NKAIN2: variants seen among roughly 807,000 people sequenced by gnomAD.
The protein encoded by NKAIN2 is sodium/potassium transporting ATPase interacting 2.
NKAIN2 carries 14 observed loss-of-function variants against 32.6 expected under a neutral mutation model. The observed-to-expected ratio is 0.43, with a 90% CI of 0.28 to 0.67. The LOEUF (loss-of-function observed/expected upper bound fraction) is 0.67, where lower values mean the gene tolerates loss of function less well. NKAIN2 is among the 30% of genes least tolerant of loss of function. NKAIN2 has a pLI of 0.17. For missense variants in NKAIN2, 198 were observed against 258.3 expected, an observed-to-expected ratio of 0.77 and a Z score of 1.60; for synonymous variants, 80 against 87.2, an observed-to-expected ratio of 0.92 and a Z score of 0.46.
intron 1 of NKAIN2, among the ~76,000 whole-genome samples, chr6:123,931,364 C>G (rs773099601): frequency 1.3e-5 from 2 of 152,078 alleles, no homozygotes; most frequent in Non-Finnish European, 2.9e-5. Flanking sequence ...ATTTCTTACT[C>G]TCCACTGAAA....
chr6:123,874,367 A>C (rs138228417), intron 1 of NKAIN2, among the ~76,000 whole-genome samples: 97 of 152,294 alleles, frequency 6.4e-4, no homozygotes, highest in African/African-American at 1.8e-3. Flanking sequence ...TTTTCTGGTT[A>C]ATCTAAGTAA....
intron 1 of NKAIN2, among the ~76,000 whole-genome samples, chr6:124,026,812 G>C (rs1368999907): frequency 6.6e-6 from 1 of 152,094 alleles, no homozygotes; most frequent in Admixed American, 6.6e-5. Context: ...ATCACTCCTT[G>C]TTCTCTCCTT....
At chr6:124,751,295 G>A (rs757603955) in intron 4 of NKAIN2, among the ~76,000 whole-genome samples, 12 of 151,894 alleles carry the variant, frequency 7.9e-5, no homozygotes, top group Non-Finnish European at 1.5e-4. Context: ...ACTGGCAAGA[G>A]GCCTTTAAAA....
chr6:124,626,264 G>A (rs1423068219), intron 3 of NKAIN2, among the ~76,000 whole-genome samples: 1 of 151,982 alleles, frequency 6.6e-6, no homozygotes. Context: ...AATCAAAGGT[G>A]AGGGGCCAGA....
intron 1 of NKAIN2, among the ~76,000 whole-genome samples, chr6:123,948,709 G>T (rs901315158): frequency 7.1e-6 from 1 of 141,232 alleles, no homozygotes; most frequent in Admixed American, 7.5e-5. Flanking sequence ...CCATTGAGCA[G>T]ATTTTCTCTT....
chr6:124,217,295 A>C (rs1377222269), intron 1 of NKAIN2, among the ~76,000 whole-genome samples: 1 of 152,142 alleles, frequency 6.6e-6, no homozygotes, highest in Non-Finnish European at 1.5e-5. Flanking sequence ...GTTATAAATC[A>C]GGATTAAATG....
intron 1 of NKAIN2, among the ~76,000 whole-genome samples, chr6:124,000,041 A>G (rs1779806526): frequency 6.6e-6 from 1 of 152,208 alleles, no homozygotes; most frequent in East Asian, 1.9e-4. Context: ...ATTCTTGTAG[A>G]TTGCTGTACT....
At chr6:124,490,606 G>C (rs982503602) in intron 3 of NKAIN2, among the ~76,000 whole-genome samples, 1 of 151,476 alleles carries the variant, frequency 6.6e-6, no homozygotes, top group Non-Finnish European at 1.5e-5. Context: ...ATTAATTTCA[G>C]TCATGTGAGC....
intron 4 of NKAIN2, among the ~76,000 whole-genome samples, chr6:124,692,090 T>C (rs1373462043): frequency 1.3e-5 from 2 of 152,230 alleles, no homozygotes; most frequent in Non-Finnish European, 2.9e-5. Context: ...ACTTCTATTA[T>C]AAAATGTATT....
At chr6:123,926,549 G>C (rs1776014034) in intron 1 of NKAIN2, among the ~76,000 whole-genome samples, 2 of 152,108 alleles carry the variant, frequency 1.3e-5, no homozygotes, top group Admixed American at 1.3e-4. Context: ...GCCCGCTGCA[G>C]TGTTTTCCAG....
At chr6:124,163,449 GC>G (rs1788377179) in intron 1 of NKAIN2, among the ~76,000 whole-genome samples, 2 of 151,934 alleles carry the variant, frequency 1.3e-5, no homozygotes, top group African/African-American at 4.8e-5. Flanking sequence ...ATGTGGAAAT[GC>G]AGGCATTTTC....
chr6:124,315,214 G>C (rs992386052), intron 2 of NKAIN2, among the ~76,000 whole-genome samples: 1 of 151,952 alleles, frequency 6.6e-6, no homozygotes, highest in African/African-American at 2.4e-5. Context: ...AGATCAACAA[G>C]TCTTGCATCT....
rs774777339 is a variant in NKAIN2 at position 124,239,486 on chromosome 6, TA to T, written c.55-43517del. 3.3e-5 allele frequency among the ~76,000 whole-genome samples: 5 copies of T among 152,250 alleles called. No individual in the cohort carries two copies. In the East Asian group the frequency reaches 9.7e-4, roughly 29 times the overall value. On this transcript the variant is annotated intron_variant, in intron 1 of 6. Coordinates refer to ENST00000368417, the MANE Select transcript of NKAIN2 (RefSeq NM_001040214.3). Reference sequence around the variant, plus strand: ...CACACTTATTCTAAAATTGGCCACATAATTGGAAGTAAAACACTCTTCAGCA... The same window carrying T: ...CACACTTATTCTAAAATTGGCCACATATTGGAAGTAAAACACTCTTCAGCA...
intron 4 of NKAIN2, among the ~76,000 whole-genome samples, chr6:124,757,722 T>A (rs1366724129): frequency 6.6e-6 from 1 of 152,158 alleles, no homozygotes; most frequent in Non-Finnish European, 1.5e-5. Context: ...ACATGTATGT[T>A]TGTGTAAGGT....
intron 1 of NKAIN2, among the ~76,000 whole-genome samples, chr6:123,870,134 A>C (rs150443907): frequency 5.3e-5 from 8 of 152,296 alleles, no homozygotes; most frequent in African/African-American, 1.9e-4. Context: ...TGGGGGTATA[A>C]CAGGTAAGAG....
chr6:124,667,455 TAAGTA>T (rs1772860863), intron 4 of NKAIN2, among the ~76,000 whole-genome samples: 1 of 152,116 alleles, frequency 6.6e-6, no homozygotes, highest in Admixed American at 6.5e-5. Context: ...ATTTCAGAAA[TAAGTA>T]AAGTATATGA....
chr6:124,687,421 T>G (rs1773993213), intron 4 of NKAIN2, among the ~76,000 whole-genome samples: 1 of 66,036 alleles, frequency 1.5e-5, no homozygotes, highest in Non-Finnish European at 3.0e-5. Flanking sequence ...AATATATATA[T>G]TCCATGTATA....
At chr6:124,598,476 G>A (rs1377627291) in intron 3 of NKAIN2, among the ~76,000 whole-genome samples, 1 of 152,036 alleles carries the variant, frequency 6.6e-6, no homozygotes, top group Non-Finnish European at 1.5e-5. Context: ...TGATGCAGAG[G>A]AAAAGGGAGT....
At chr6:124,290,398 GT>G (rs895849640) in intron 2 of NKAIN2, among the ~76,000 whole-genome samples, 3 of 151,710 alleles carry the variant, frequency 2.0e-5, no homozygotes, top group Non-Finnish European at 2.9e-5. Context: ...AGATTATGTA[GT>G]TTTTTTAATC....
Sources: gnomAD v4.1 joint callset for allele counts (sites outside exome capture counted in the v4.1 genomes callset) on GRCh38, gnomAD v4.1.1 for gene constraint, MANE v1.5 for transcripts, NCBI Gene and HGNC (gene_info 2026-07-23, HGNC 2026-07-21) for gene names.